IMMP2L: variants seen among roughly 807,000 people sequenced by gnomAD.
The protein encoded by IMMP2L is inner mitochondrial membrane peptidase subunit 2, also known as mitochondrial inner membrane protease subunit 2.
IMMP2L carries 18 observed loss-of-function variants against 19.3 expected under a neutral mutation model. The ratio of observed to expected loss-of-function variants is 0.93; its 90% CI spans 0.64 to 1.38. IMMP2L has a LOEUF of 1.38. Ranked by LOEUF, IMMP2L falls within the 40% of genes most tolerant of loss-of-function variation. The pLI is 0.00. For missense variants in IMMP2L, 233 were observed against 218.2 expected, an observed-to-expected ratio of 1.07 and a Z score of -0.43; for synonymous variants, 76 against 73.0, an observed-to-expected ratio of 1.04 and a Z score of -0.21.
At chr7:111,387,975 T>TAAAAAAAAAA (rs750267136) in intron 3 of IMMP2L, among the ~76,000 whole-genome samples, 22 of 93,408 alleles carry the variant, frequency 2.4e-4, no homozygotes, top group African/African-American at 1.0e-3. Flanking sequence ...ACTCTGTCTT[T>TAAAAAAAAAA]AAAAAAAAAA....
At chr7:110,811,288 T>C (rs983341187) in intron 5 of IMMP2L, among the ~76,000 whole-genome samples, 2 of 152,096 alleles carry the variant, frequency 1.3e-5, no homozygotes, top group African/African-American at 4.8e-5. Context: ...AAGGCTTAAT[T>C]GTTTAAAAAT....
chr7:111,463,205 T>C (rs1840299775), intron 3 of IMMP2L, among the ~76,000 whole-genome samples: 1 of 151,748 alleles, frequency 6.6e-6, no homozygotes, highest in African/African-American at 2.4e-5. Context: ...GTGTCCCAAT[T>C]TCCCCTGTTT....
intron 5 of IMMP2L, among the ~76,000 whole-genome samples, chr7:110,792,987 G>A (rs573194976): frequency 1.1e-4 from 17 of 152,086 alleles, no homozygotes; most frequent in Non-Finnish European, 2.2e-4. Context: ...CAGAAAGAAG[G>A]AGACTGCATG....
chr7:111,079,386 G>A (rs1262727258), intron 3 of IMMP2L, among the ~76,000 whole-genome samples: 1 of 152,014 alleles, frequency 6.6e-6, no homozygotes, highest in Non-Finnish European at 1.5e-5. Context: ...CAAAGTGCTG[G>A]GATTACAGGC....
chr7:110,688,202 T>C (rs1192388609), intron 5 of IMMP2L, among the ~76,000 whole-genome samples: 1 of 152,086 alleles, frequency 6.6e-6, no homozygotes, highest in Non-Finnish European at 1.5e-5. Flanking sequence ...TGAGCCCTTC[T>C]GAAATTCCTG....
intron 5 of IMMP2L, among the ~76,000 whole-genome samples, chr7:110,763,049 G>A (rs898120757): frequency 6.6e-6 from 1 of 152,110 alleles, no homozygotes; most frequent in African/African-American, 2.4e-5. Flanking sequence ...ACAGGATGGA[G>A]CTTTTAGTGT....
At position 111,089,510 on chromosome 7, in the gene IMMP2L, G is replaced by A. The variant is rs190987144; in HGVS notation, c.240-125945C>T. Among the ~76,000 whole-genome samples the A allele has an allele frequency of 3.7e-4, 56 of 152,076 alleles. 1 individual carries two copies. The highest frequency in any genetic ancestry group is 1.1e-3 in the African/African-American group (47 of 41,514). On this transcript the variant is annotated intron_variant, in intron 3 of 5. Transcript: ENST00000405709. ...TAATTTGGAATATTAAAGAAACTAA[G>A]ATTTGCTAGATTAAAATTAAGGGGT...
intron 3 of IMMP2L, among the ~76,000 whole-genome samples, chr7:111,022,808 G>A (rs534691323): frequency 7.2e-5 from 11 of 152,154 alleles, no homozygotes; most frequent in African/African-American, 1.7e-4. Flanking sequence ...CATAACAGAC[G>A]TTACATGGCC....
intron 3 of IMMP2L, among the ~76,000 whole-genome samples, chr7:111,146,953 C>T (rs1803544357): frequency 6.6e-6 from 1 of 151,984 alleles, no homozygotes; most frequent in African/African-American, 2.4e-5. Context: ...AAGGTCTTGG[C>T]TTTATATTCA....
intron 3 of IMMP2L, among the ~76,000 whole-genome samples, chr7:111,142,764 A>G (rs1267362624): frequency 6.6e-6 from 1 of 152,194 alleles, no homozygotes; most frequent in East Asian, 1.9e-4. Context: ...TTCTCCCTCA[A>G]TGGCTTAAAA....
intron 3 of IMMP2L, among the ~76,000 whole-genome samples, chr7:111,087,285 T>TA (rs1796426956): frequency 1.3e-5 from 2 of 151,866 alleles, no homozygotes; most frequent in African/African-American, 4.8e-5. Flanking sequence ...CCATGTCTAC[T>TA]AAAAATACAA....
At chr7:111,375,633 T>G (rs1357966862) in intron 3 of IMMP2L, among the ~76,000 whole-genome samples, 1 of 152,032 alleles carries the variant, frequency 6.6e-6, no homozygotes, top group Non-Finnish European at 1.5e-5. Context: ...CAAGCAATTC[T>G]CCTGCCTCAG....
intron 3 of IMMP2L, among the ~76,000 whole-genome samples, chr7:111,454,191 G>T (rs1010577366): frequency 6.6e-6 from 1 of 152,086 alleles, no homozygotes; most frequent in Non-Finnish European, 1.5e-5. Flanking sequence ...GGAGTGCAGT[G>T]ATGCGATCGC....
At chr7:110,738,240 A>G (rs1796765146) in intron 5 of IMMP2L, among the ~76,000 whole-genome samples, 1 of 152,246 alleles carries the variant, frequency 6.6e-6, no homozygotes, top group Admixed American at 6.5e-5. Flanking sequence ...AAGAATTCAA[A>G]AGGTTGATTA....
At chr7:110,784,334 C>CATCT (rs1333382063) in intron 5 of IMMP2L, among the ~76,000 whole-genome samples, 9 of 151,882 alleles carry the variant, frequency 5.9e-5, no homozygotes, top group African/African-American at 2.2e-4. Flanking sequence ...GTAACGACTG[C>CATCT]ATCTACTTGC....
At chr7:110,716,590 T>C (rs1795249657) in intron 5 of IMMP2L, among the ~76,000 whole-genome samples, 1 of 152,218 alleles carries the variant, frequency 6.6e-6, no homozygotes, top group South Asian at 2.1e-4. Flanking sequence ...AATTCTTGTT[T>C]GGAATTTCTT....
chr7:111,555,260 C>T (rs900577245), intron 1 of IMMP2L, among the ~76,000 whole-genome samples: 7 of 152,038 alleles, frequency 4.6e-5, no homozygotes, highest in Non-Finnish European at 7.4e-5. Context: ...GGAGTTTTTA[C>T]GCACAACTGG....
intron 3 of IMMP2L, among the ~76,000 whole-genome samples, chr7:111,348,220 T>G (rs1403815038): frequency 6.6e-6 from 1 of 151,818 alleles, no homozygotes; most frequent in African/African-American, 2.4e-5. Context: ...CACACCAACA[T>G]GGCACATGTA....
chr7:111,281,160 AAG>A (rs1296967788), intron 3 of IMMP2L, among the ~76,000 whole-genome samples: 1 of 20,978 alleles, frequency 4.8e-5, no homozygotes, highest in African/African-American at 1.8e-4. Flanking sequence ...GAAAGACAGA[AAG>A]AAAGAAAGAA....
Sources: gnomAD v4.1 joint callset for allele counts (sites outside exome capture counted in the v4.1 genomes callset) on GRCh38, gnomAD v4.1.1 for gene constraint, MANE v1.5 for transcripts, NCBI Gene and HGNC (gene_info 2026-07-23, HGNC 2026-07-21) for gene names.